Variants in ATR observed in about 807,000 individuals in gnomAD.
The protein encoded by ATR is ATR checkpoint kinase.
Under a neutral mutation model 305.3 loss-of-function variants are expected in ATR, and 142 were observed. The observed-to-expected ratio is 0.47, with a 90% CI of 0.41 to 0.53. The LOEUF (loss-of-function observed/expected upper bound fraction) is 0.53. ATR is among the 20% of genes least tolerant of loss of function. The pLI is 0.00. For synonymous variants in ATR, 1,050 were observed against 1,068.1 expected (o/e 0.98, Z 0.33); for missense variants, 2,135 against 3,133.1 (o/e 0.68, Z 7.60).
At chr3:142,551,539 T>A (rs549621032) in intron 13 of ATR, among the ~76,000 whole-genome samples, 5 of 152,304 alleles carry the variant, frequency 3.3e-5, no homozygotes, top group Admixed American at 6.5e-5. Context: ...AACCATCCGA[T>A]CTTTAACAAA....
chr3:142,530,711 C>A (rs2033605689), intron 21 of ATR, among the ~76,000 whole-genome samples: 1 of 152,032 alleles, frequency 6.6e-6, no homozygotes, highest in African/African-American at 2.4e-5. Context: ...CCTTAAAATT[C>A]TCCCTCTTAC....
In ATR at chr3:142,554,034, C is replaced by T. The variant is rs1359296382; in HGVS notation, c.2342-19G>A. Reference sequence around the variant, plus strand: ...ATGAAAGCTGAAGGACAAGAGTATACAATACCTAATTTAACATATTAAATG... The same window carrying T: ...ATGAAAGCTGAAGGACAAGAGTATATAATACCTAATTTAACATATTAAATG... On this transcript the variant is annotated intron_variant, in intron 10 of 46. Transcript: ENST00000350721. The T allele has an allele frequency of 1.3e-6, 2 of 1,563,602 alleles. No homozygotes were observed. Among genetic ancestry groups the T allele is most frequent in the Non-Finnish European group, 1.7e-6 (2 of 1,143,968 alleles).
At position 142,493,309 on chromosome 3, in the gene ATR, AC is replaced by A. The variant is rs774542257; in HGVS notation, c.5900del (p.Gly1967ValfsTer7). 1.2e-6 allele frequency: 2 copies of A among 1,610,652 alleles called. No individual in the cohort carries two copies. Among genetic ancestry groups the A allele is most frequent in the East Asian group, 4.5e-5 (2 of 44,788 alleles). On this transcript the variant is annotated frameshift_variant and splice_region_variant, in exon 35 of 47. Coordinates refer to ENST00000350721, the MANE Select transcript of ATR (RefSeq NM_001184.4). LOFTEE classifies it high-confidence loss of function. ...GAACAATTAGTGCCTGGTGAACATC[AC>A]CCTAAAAGAAAAAAGGCAACAATAA... is the stretch of plus-strand genomic sequence containing the variant. ...VERAKWLWSKGDVHQALIVLQ... is the reference protein window; with the variant it reads ...VERAKWLWSKXDVHQALIVLQ...
rs1390798686 is a variant in ATR at position 142,528,875 on chromosome 3, A to ATTTTTTT, written c.3946-4677_3946-4676insAAAAAAA. Among the ~76,000 whole-genome samples the ATTTTTTT allele has an allele frequency of 2.3e-3, 108 of 46,584 alleles. 1 individual carries two copies. Among genetic ancestry groups the ATTTTTTT allele is most frequent in the East Asian group, 4.9e-3 (12 of 2,458 alleles). The allele number at this position is 46,584 out of a possible 152,430, so 30.6% of individuals were successfully genotyped here. A position where few individuals can be genotyped will look rare whatever the true frequency, so the allele number is the denominator to read the frequency against. On this transcript the variant is annotated intron_variant, in intron 21 of 46. Transcript: ENST00000350721. ...TTATCATATATATATATATATATAT[A>ATTTTTTT]TATATTTTTTTTTTTTTTTTTTTTT...
intron 46 of ATR, chr3:142,452,884 G>A: frequency 1.5e-6 from 2 of 1,348,948 alleles, no homozygotes; most frequent in South Asian, 1.5e-5. Flanking sequence ...ACTGTGAATT[G>A]TCTATGGTTA....
At chr3:142,515,337 A>T (rs2032811936) in intron 25 of ATR, 58 bp downstream of exon 25, 1 of 1,597,452 alleles carries the variant, frequency 6.3e-7, no homozygotes, top group Non-Finnish European at 8.6e-7. Flanking sequence ...ATTCAGATAG[A>T]TGTTCTGGTT....
chr3:142,468,177 A>G, intron 38 of ATR, 109 bp from the exon 39 acceptor site: 1 of 1,307,802 alleles, frequency 7.6e-7, no homozygotes, highest in Non-Finnish European at 1.1e-6. Context: ...ATGAGAGTTT[A>G]TATGATACAA....
rs559300177 is a variant in ATR at position 142,515,431 on chromosome 3, T to C, written c.4467A>G (p.Glu1489=). 6.8e-6 allele frequency: 11 copies of C among 1,613,904 alleles called. No individual in the cohort carries two copies. The South Asian group carries it at 1.1e-4, about 16-fold the overall frequency. The change falls in exon 25 of 47, where the codon GAA becomes GAG. Residue 1489 remains glutamate (E), a synonymous_variant. Coordinates refer to ENST00000350721, the MANE Select transcript of ATR (RefSeq NM_001184.4). ...YLSKLGSNFA[E]WSASWAGYLI... is the part of the protein sequence containing the mutation. ...GATAACCTGCCCAAGATGCTGACCA[T>C]TCTGCAAAGTTACTACCCAATTTAC...
intron 29 of ATR, among the ~76,000 whole-genome samples, chr3:142,504,760 G>A (rs180937110): frequency 7.2e-5 from 11 of 152,276 alleles, no homozygotes; most frequent in Admixed American, 1.3e-4. Flanking sequence ...CGCCGCATCC[G>A]GCCTGGAAGG....
At chr3:142,518,653 CT>C (rs1161089533) in intron 24 of ATR, among the ~76,000 whole-genome samples, 1 of 152,050 alleles carries the variant, frequency 6.6e-6, no homozygotes, top group Non-Finnish European at 1.5e-5. Context: ...AAAAAATTAT[CT>C]AGGAAATAAA....
At chr3:142,557,336 A>T (rs1291418888) in intron 8 of ATR, among the ~76,000 whole-genome samples, 1 of 152,128 alleles carries the variant, frequency 6.6e-6, no homozygotes, top group East Asian at 1.9e-4. Flanking sequence ...TGTTGCTTGT[A>T]ATTGTGAAAA....
chr3:142,458,324 C>A (rs901896300), intron 44 of ATR, among the ~76,000 whole-genome samples: 10 of 152,154 alleles, frequency 6.6e-5, no homozygotes, highest in African/African-American at 2.4e-4. Context: ...TGGTTTAACC[C>A]ATGCCAGTAT....
intron 36 of ATR, among the ~76,000 whole-genome samples, chr3:142,483,296 G>A (rs1464860587): frequency 1.3e-5 from 2 of 150,902 alleles, no homozygotes; most frequent in Non-Finnish European, 2.9e-5. Context: ...ACATGAGTAT[G>A]ATAAGGAGAA....
At chr3:142,513,161 A>G (rs902835029) in intron 26 of ATR, among the ~76,000 whole-genome samples, 6 of 152,216 alleles carry the variant, frequency 3.9e-5, no homozygotes, top group African/African-American at 7.2e-5. Flanking sequence ...ATGAGGCATC[A>G]CATAAAAGGT....
chr3:142,483,096 C>T (rs116758657), intron 36 of ATR, among the ~76,000 whole-genome samples: 1 of 150,298 alleles, frequency 6.7e-6, no homozygotes, highest in African/African-American at 2.5e-5. Flanking sequence ...GCCTTGACGT[C>T]CCAGGTTCAG....
chr3:142,469,301 G>T (rs754220272), intron 38 of ATR, 36 bp downstream of exon 38: 3 of 1,539,436 alleles, frequency 1.9e-6, no homozygotes, highest in Non-Finnish European at 2.7e-6. Flanking sequence ...AATGGTAAAA[G>T]ATCTTTTCAT....
intron 32 of ATR, 43 bp from the exon 33 acceptor site, chr3:142,497,235 G>A (rs2108337273): frequency 6.3e-7 from 1 of 1,586,442 alleles, no homozygotes; most frequent in Non-Finnish European, 8.6e-7. Flanking sequence ...ATCATATTCA[G>A]CCTTATTAAT....
chr3:142,508,956 T>C (rs1215153431), intron 27 of ATR, among the ~76,000 whole-genome samples: 2 of 148,538 alleles, frequency 1.3e-5, no homozygotes, highest in African/African-American at 4.9e-5. Context: ...AAATTGAAAG[T>C]AAAAGTGCCT....
intron 16 of ATR, among the ~76,000 whole-genome samples, chr3:142,543,628 C>T (rs2034146161): frequency 6.7e-6 from 1 of 149,936 alleles, no homozygotes; most frequent in Non-Finnish European, 1.5e-5. Context: ...TCCTTCCTTT[C>T]TATTTCTTTC....
Sources: allele counts gnomAD v4.1 joint callset (sites outside exome capture counted in the v4.1 genomes callset), GRCh38; gene constraint gnomAD v4.1.1; transcripts MANE v1.5; gene names NCBI Gene and HGNC (gene_info 2026-07-23, HGNC 2026-07-21).